LTBP1: variants seen among roughly 807,000 people sequenced by gnomAD.
The protein encoded by LTBP1 is latent-transforming growth factor beta-binding protein 1.
Under a neutral mutation model 207.6 loss-of-function variants are expected in LTBP1, and 129 were observed. The ratio of observed to expected loss-of-function variants is 0.62; its 90% confidence interval spans 0.54 to 0.72. The LOEUF is 0.72. Ranked by LOEUF, LTBP1 falls within the 30% of genes least tolerant of loss-of-function variation. The pLI is 0.00. For synonymous variants in LTBP1, 963 were observed against 833.7 expected, an observed-to-expected ratio of 1.16 and a Z score of -2.67; for missense variants, 2,281 against 2,217.2, an observed-to-expected ratio of 1.03 and a Z score of -0.58.
intron 5 of LTBP1, among the ~76,000 whole-genome samples, chr2:33,172,999 A>G (rs1478743719): frequency 3.3e-5 from 5 of 152,164 alleles, no homozygotes; most frequent in East Asian, 1.9e-4. Flanking sequence ...GGACACATTC[A>G]AAGCAGTGTG....
intron 10 of LTBP1, among the ~76,000 whole-genome samples, chr2:33,249,615 C>T (rs1285104970): frequency 6.6e-6 from 1 of 152,102 alleles, no homozygotes; most frequent in Non-Finnish European, 1.5e-5. Flanking sequence ...ATGCTTGTTA[C>T]CAGTTTGAAA....
In LTBP1 at chr2:33,095,437, A is replaced by C. The variant is rs80108687; in HGVS notation, c.864-15145A>C. Among the ~76,000 whole-genome samples, 441 of 152,338 alleles carry C rather than the reference A, an allele frequency of 2.9e-3. 4 individuals carry two copies. The highest frequency in any genetic ancestry group is 6.8e-3 in the Middle Eastern group (2 of 294). On this transcript the variant is annotated intron_variant, in intron 3 of 33. Coordinates refer to ENST00000404816, the MANE Select transcript of LTBP1 (RefSeq NM_206943.4). ...ACTGAGCTATTGCACACTATAGAGG[A>C]AAGATAATTTGGAGTTTGAATCTAG...
chr2:33,260,680 C>G (rs146913339), intron 13 of LTBP1, among the ~76,000 whole-genome samples: 21 of 152,298 alleles, frequency 1.4e-4, no homozygotes, highest in Non-Finnish European at 2.8e-4. Context: ...AACAGATATG[C>G]ATACTTTTTG....
In LTBP1 at chr2:33,073,119, A is replaced by G. The variant is rs557423326; in HGVS notation, c.864-37463A>G. Among the ~76,000 whole-genome samples the G allele has an allele frequency of 5.3e-5, 8 of 152,282 alleles. No homozygotes were observed. In the East Asian group the frequency reaches 1.5e-3, roughly 29 times the overall value. Reference sequence around the variant, plus strand: ...CCAGTTCAGTAGTTGTAGAAAAATGATGTATAACCTGATTGCATGGTTTGA... The same window carrying G: ...CCAGTTCAGTAGTTGTAGAAAAATGGTGTATAACCTGATTGCATGGTTTGA... On this transcript the variant is annotated intron_variant, in intron 3 of 33. Transcript: ENST00000404816.
intron 3 of LTBP1, among the ~76,000 whole-genome samples, chr2:33,075,944 C>T (rs982061472): frequency 5.3e-5 from 8 of 152,034 alleles, no homozygotes; most frequent in African/African-American, 1.9e-4. Context: ...ATATGTTGTT[C>T]AGCTATTATT....
chr2:33,272,032 G>T (rs17581939), intron 15 of LTBP1, among the ~76,000 whole-genome samples: 28,656 of 152,132 alleles, frequency 0.19, 3,440 homozygotes, highest in Non-Finnish European at 0.26. Flanking sequence ...AATACATGGG[G>T]TGTGCATACA....
chr2:32,986,448 T>C (rs1222932100), intron 2 of LTBP1, among the ~76,000 whole-genome samples: 1 of 152,202 alleles, frequency 6.6e-6, no homozygotes. Flanking sequence ...CTGGGAATCC[T>C]AAGGTTTATG....
At chr2:33,175,628 A>G (rs1336874750) in intron 5 of LTBP1, among the ~76,000 whole-genome samples, 1 of 152,216 alleles carries the variant, frequency 6.6e-6, no homozygotes, top group Non-Finnish European at 1.5e-5. Context: ...TAGAAATACC[A>G]TTGGACCGAG....
chr2:33,150,932 G>T (rs1356564852), intron 5 of LTBP1, among the ~76,000 whole-genome samples: 6 of 151,452 alleles, frequency 4.0e-5, no homozygotes, highest in Non-Finnish European at 8.8e-5. Context: ...TAGAGGCACG[G>T]TTTCACCATG....
At chr2:33,246,951 G>C (rs1334744049) in intron 10 of LTBP1, among the ~76,000 whole-genome samples, 1 of 152,118 alleles carries the variant, frequency 6.6e-6, no homozygotes, top group Non-Finnish European at 1.5e-5. Context: ...GGAAATTCGA[G>C]GACTTTTCAG....
intron 3 of LTBP1, among the ~76,000 whole-genome samples, chr2:33,089,898 C>G (rs2078981623): frequency 6.6e-6 from 1 of 152,152 alleles, no homozygotes; most frequent in Non-Finnish European, 1.5e-5. Context: ...TGAGCAAGCC[C>G]TATTACTTGA....
chr2:33,184,707 T>G (rs1045219946), intron 5 of LTBP1, among the ~76,000 whole-genome samples: 2 of 152,234 alleles, frequency 1.3e-5, no homozygotes, highest in African/African-American at 4.8e-5. Context: ...GGACTGAATC[T>G]TCTATACCAT....
intron 13 of LTBP1, among the ~76,000 whole-genome samples, chr2:33,260,425 T>G (rs1382165081): frequency 6.6e-6 from 1 of 152,200 alleles, no homozygotes; most frequent in Non-Finnish European, 1.5e-5. Flanking sequence ...GAAAATTAGG[T>G]AATTATTAAA....
chr2:33,293,134 C>CT, intron 19 of LTBP1, 26 bp from the exon 20 acceptor site: 1 of 1,592,010 alleles, frequency 6.3e-7, no homozygotes. Context: ...TTTTTTTGTT[C>CT]TTTCCATTAC....
chr2:33,027,697 C>T (rs1453687288), intron 3 of LTBP1, among the ~76,000 whole-genome samples: 2 of 151,976 alleles, frequency 1.3e-5, no homozygotes, highest in Non-Finnish European at 2.9e-5. Context: ...ATTAGCGGGG[C>T]GTGGTGGCAT....
intron 3 of LTBP1, among the ~76,000 whole-genome samples, chr2:33,078,389 A>C (rs397240): frequency 0.75 from 114,587 of 152,110 alleles, 45,398 homozygotes; most frequent in East Asian, 0.98. Context: ...ATTTTGAAGC[A>C]GTTAGACCTT....
chr2:33,314,222 C>T (rs571648315), intron 23 of LTBP1, among the ~76,000 whole-genome samples: 3 of 152,264 alleles, frequency 2.0e-5, no homozygotes, highest in South Asian at 2.1e-4. Flanking sequence ...ATTTCATCAT[C>T]GGAAACCATG....
chr2:33,277,991 G>A (rs1385336515), intron 18 of LTBP1, among the ~76,000 whole-genome samples: 5 of 150,914 alleles, frequency 3.3e-5, no homozygotes, highest in East Asian at 1.9e-4. Flanking sequence ...CACCATGCCC[G>A]GCTAATTTTT....
chr2:33,209,759 T>C (rs528636574), intron 7 of LTBP1, among the ~76,000 whole-genome samples: 1 of 152,344 alleles, frequency 6.6e-6, no homozygotes, highest in Non-Finnish European at 1.5e-5. Flanking sequence ...AATTGCTCTT[T>C]TGTTAAATAA....
Sources: allele counts gnomAD v4.1 joint callset (sites outside exome capture counted in the v4.1 genomes callset), GRCh38; gene constraint gnomAD v4.1.1; transcripts MANE v1.5; gene names NCBI Gene and HGNC (gene_info 2026-07-23, HGNC 2026-07-21).